The following FGF14 variants were observed in gnomAD, a reference collection of about 807,000 sequenced individuals.
FGF14 encodes the protein fibroblast growth factor 14, also known as fibroblast growth factor homologous factor 4.
FGF14 carries 5 observed loss-of-function variants against 25.5 expected under a neutral mutation model. The ratio of observed to expected loss-of-function variants is 0.20; its 90% CI spans 0.10 to 0.41. The LOEUF (loss-of-function observed/expected upper bound fraction) is 0.41. Among genes scored for constraint, FGF14 ranks in the 10% least tolerant of loss-of-function variants. FGF14 has a pLI of 1.00. For synonymous variants in FGF14, 138 were observed against 118.3 expected (o/e 1.17, Z -1.08); for missense variants, 222 against 320.1 (o/e 0.69, Z 2.34).
chr13:102,177,412 C>T (rs77635474), intron 1 of FGF14, among the ~76,000 whole-genome samples: 8,331 of 152,156 alleles, frequency 0.055, 264 homozygotes, highest in Middle Eastern at 0.17. Flanking sequence ...GTGCCTCTCA[C>T]TTCTTTAGAT....
chr13:102,022,598 C>T (rs181578363), intron 1 of FGF14, among the ~76,000 whole-genome samples: 2 of 152,132 alleles, frequency 1.3e-5, no homozygotes, highest in East Asian at 1.9e-4. Context: ...AAATAGATGA[C>T]ACCGTCTCAC....
At chr13:101,747,781 A>G (rs772686441) in intron 3 of FGF14, among the ~76,000 whole-genome samples, 1 of 152,010 alleles carries the variant, frequency 6.6e-6, no homozygotes, top group Non-Finnish European at 1.5e-5. Context: ...CAACAACATC[A>G]GCAACAACAA....
chr13:102,352,753 A>C (rs1210909672), intron 1 of FGF14, among the ~76,000 whole-genome samples: 1 of 149,756 alleles, frequency 6.7e-6, no homozygotes, highest in East Asian at 2.0e-4. Flanking sequence ...CGGAGCTTGC[A>C]GTGAGCCGAG....
At position 101,715,621 on chromosome 13, in the gene FGF14, A is replaced by G. The variant is rs1297172400; in HGVS notation, c.*7210T>C. 2 of 1,613,340 alleles carry G rather than the reference A, an allele frequency of 1.2e-6. No homozygotes were observed. The highest frequency in any genetic ancestry group is 1.3e-5 in the African/African-American group (1 of 74,904). ...GCTGGGATGGATGGAATGGAAATGCATGTGAAATCTGGCTTGGCTCAGAAT... is the reference window on the plus strand; with the variant it reads ...GCTGGGATGGATGGAATGGAAATGCGTGTGAAATCTGGCTTGGCTCAGAAT... On this transcript the variant is annotated 3_prime_UTR_variant, in exon 5 of 5. Coordinates refer to ENST00000376143, the MANE Select transcript of FGF14 (RefSeq NM_004115.4).
intron 1 of FGF14, among the ~76,000 whole-genome samples, chr13:101,890,908 C>T (rs1401906348): frequency 6.6e-6 from 1 of 152,026 alleles, no homozygotes; most frequent in Non-Finnish European, 1.5e-5. Flanking sequence ...GGATAAGGTG[C>T]CTTACCTTTC....
At chr13:102,076,248 G>A (rs2043358360) in intron 1 of FGF14, among the ~76,000 whole-genome samples, 1 of 152,076 alleles carries the variant, frequency 6.6e-6, no homozygotes, top group African/African-American at 2.4e-5. Flanking sequence ...CCCTAGGCAG[G>A]TGTATCACTT....
At chr13:102,190,657 G>T (rs1407077271) in intron 1 of FGF14, among the ~76,000 whole-genome samples, 1 of 152,138 alleles carries the variant, frequency 6.6e-6, no homozygotes, top group Non-Finnish European at 1.5e-5. Context: ...ACAACGAAAA[G>T]TCAATTAAAT....
chr13:102,371,117 C>G (rs1365981062), intron 1 of FGF14, among the ~76,000 whole-genome samples: 1 of 152,068 alleles, frequency 6.6e-6, no homozygotes, highest in African/African-American at 2.4e-5. Flanking sequence ...AGGTATATTC[C>G]TGAAACAAAC....
At chr13:102,343,625 C>A (rs9585894) in intron 1 of FGF14, among the ~76,000 whole-genome samples, 11,416 of 152,178 alleles carry the variant, frequency 0.075, 813 homozygotes, top group African/African-American at 0.18. Context: ...CAGTCATATG[C>A]GAGACTGTTG....
rs548761323 is a variant in FGF14 at position 101,925,416 on chromosome 13, C to T, written c.209-50120G>A. Among the ~76,000 whole-genome samples the T allele has an allele frequency of 5.4e-4, 83 of 152,314 alleles. 1 individual carries two copies. In the South Asian group the frequency reaches 0.015, roughly 28 times the overall value. ...CTCTCTACAACTAAGAGGGCACTTCCTCCTGCAGGTTCTGCAGGCTCTAAT... is the reference window on the plus strand; with the variant it reads ...CTCTCTACAACTAAGAGGGCACTTCTTCCTGCAGGTTCTGCAGGCTCTAAT... On this transcript the variant is annotated intron_variant, in intron 1 of 4. Coordinates refer to the FGF14 transcript ENST00000376131.
At chr13:101,829,827 T>G (rs1319424962) in intron 3 of FGF14, among the ~76,000 whole-genome samples, 1 of 152,100 alleles carries the variant, frequency 6.6e-6, no homozygotes, top group Non-Finnish European at 1.5e-5. Context: ...CAGCCCACTA[T>G]TCTGTTTAGT....
intron 1 of FGF14, among the ~76,000 whole-genome samples, chr13:102,268,197 G>GA (rs1483329828): frequency 1.3e-5 from 2 of 152,066 alleles, no homozygotes; most frequent in East Asian, 3.9e-4. Context: ...CTGTCTCCAT[G>GA]ACATCCAACA....
Position 102,307,582 on chromosome 13 carries a change from C to T in FGF14, c.208+93889G>A, listed in dbSNP as rs899906022. Among the ~76,000 whole-genome samples, 4 of 152,096 alleles carry T rather than the reference C, an allele frequency of 2.6e-5. No individual in the cohort carries two copies. The South Asian group carries it at 6.2e-4, about 24-fold the overall frequency. On this transcript the variant is annotated intron_variant, in intron 1 of 4. Coordinates refer to the FGF14 transcript ENST00000376131. ...AATAAGTGGTACCATTTATTGAGGA[C>T]ACACCATGTACTTGTTATTGTACTA...
At chr13:102,012,630 C>T (rs2040139962) in intron 1 of FGF14, among the ~76,000 whole-genome samples, 1 of 152,118 alleles carries the variant, frequency 6.6e-6, no homozygotes, top group South Asian at 2.1e-4. Flanking sequence ...AGACTCAATA[C>T]CAAACAAAGC....
intron 1 of FGF14, among the ~76,000 whole-genome samples, chr13:102,170,437 G>A (rs1002047698): frequency 1.3e-5 from 2 of 151,826 alleles, no homozygotes; most frequent in Non-Finnish European, 2.9e-5. Flanking sequence ...CACCCAAGCA[G>A]ATGGCTGACC....
At chr13:102,039,581 C>T (rs879566597) in intron 1 of FGF14, among the ~76,000 whole-genome samples, 3 of 152,096 alleles carry the variant, frequency 2.0e-5, no homozygotes, top group East Asian at 1.9e-4. Flanking sequence ...CCTCTGTCAT[C>T]GCGTGCTATT....
chr13:102,074,099 C>A (rs2043258561), intron 1 of FGF14, among the ~76,000 whole-genome samples: 1 of 152,174 alleles, frequency 6.6e-6, no homozygotes, highest in Non-Finnish European at 1.5e-5. Flanking sequence ...GCAGCTTCAA[C>A]CTCCTGGGCT....
At chr13:102,353,598 T>C (rs2057346837) in intron 1 of FGF14, among the ~76,000 whole-genome samples, 1 of 152,150 alleles carries the variant, frequency 6.6e-6, no homozygotes, top group Non-Finnish European at 1.5e-5. Context: ...TCCTCTCAAA[T>C]TGAATCAGTC....
intron 3 of FGF14, among the ~76,000 whole-genome samples, chr13:101,793,047 T>A (rs1159354023): frequency 6.6e-6 from 1 of 152,118 alleles, no homozygotes; most frequent in Non-Finnish European, 1.5e-5. Context: ...CTTAGTGATA[T>A]GGAGATGTAC....
Sources: gnomAD v4.1 joint callset for allele counts (sites outside exome capture counted in the v4.1 genomes callset) on GRCh38, gnomAD v4.1.1 for gene constraint, MANE v1.5 for transcripts, NCBI Gene and HGNC (gene_info 2026-07-23, HGNC 2026-07-21) for gene names.